CLCN4: variants seen among roughly 807,000 people sequenced by gnomAD.
CLCN4 encodes H(+)/Cl(-) exchange transporter 4.
In CLCN4, 1 loss-of-function variant was observed where a neutral mutation model predicts 41.7. That is an observed-to-expected ratio of 0.02 (90% CI 0.01 to 0.11). The LOEUF (loss-of-function observed/expected upper bound fraction) is 0.11. Among genes scored for constraint, CLCN4 ranks in the 10% least tolerant of loss-of-function variants. The pLI is 1.00. For missense variants in CLCN4, 287 were observed against 661.0 expected (o/e 0.43, Z 6.20); for synonymous variants, 277 against 285.8 (o/e 0.97, Z 0.31).
intron 12 of CLCN4, among the ~76,000 whole-genome samples, chrX:10,225,261 G>A (rs1924961451): frequency 8.9e-6 from 1 of 111,922 alleles, no homozygotes; most frequent in Admixed American, 9.4e-5. Flanking sequence ...ACCAGCATCT[G>A]TTGTTTCTTG....
chrX:10,216,918 T>TATATATATATATATATAC (rs773265490), intron 11 of CLCN4, among the ~76,000 whole-genome samples: 6 of 38,929 alleles, frequency 1.5e-4, no homozygotes, highest in African/African-American at 4.4e-4. Context: ...TATATATATA[T>TATATATATATATATATAC]ACACACACAC....
chrX:10,165,104 A>G (rs5934784), intron 2 of CLCN4, among the ~76,000 whole-genome samples: 16,912 of 112,413 alleles, frequency 0.15, 1,751 homozygotes, highest in East Asian at 0.84. Flanking sequence ...GTGGCCTGCA[A>G]TCGGGGGTTC....
chrX:10,196,538 C>CTTTTTTTTTTTTTT (rs141362799), intron 5 of CLCN4, among the ~76,000 whole-genome samples: 1 of 80,914 alleles, frequency 1.2e-5, no homozygotes, highest in African/African-American at 4.9e-5. Flanking sequence ...CCCTTCCCCA[C>CTTTTTTTTTTTTTT]TTTTTTTTTT....
chrX:10,158,216 A>T (rs1042391024), intron 1 of CLCN4, 73 bp from the exon 2 acceptor site: 1 of 282,742 alleles, frequency 3.5e-6, no homozygotes, highest in African/African-American at 2.8e-5. Flanking sequence ...TTGAAATCCT[A>T]TTACTCGCTT....
chrX:10,214,038 T>C lies in CLCN4; in HGVS notation c.1934T>C (p.Leu645Pro). The C allele has an allele frequency of 8.4e-7, 1 of 1,193,210 alleles. No individual in the cohort carries two copies. The highest frequency in any genetic ancestry group is 1.1e-6 in the Non-Finnish European group (1 of 886,723). The change falls in exon 11 of 13, where the codon CTC becomes CCC. Residue 645 changes from leucine (L) to proline (P), a missense_variant. This residue lies in a region of CLCN4 where 71 missense variants were observed against 104.5 expected (regional missense o/e 0.68). Transcript: ENST00000380833. ...PVVVSRDSER[L>P]IGFAQRRELI... ...GTGGTCTCCAGAGACTCCGAGCGCC[T>C]CATTGGATTTGCCCAGAGGAGGGAA... is the stretch of plus-strand genomic sequence containing the variant.
At chrX:10,209,483 C>T (rs1229343277) in intron 9 of CLCN4, among the ~76,000 whole-genome samples, 2 of 109,234 alleles carry the variant, frequency 1.8e-5, no homozygotes, top group African/African-American at 6.7e-5. Flanking sequence ...ATCTCAGCCT[C>T]CCAAGTAGCT....
chrX:10,202,841 A>G (rs1306286127), intron 6 of CLCN4, among the ~76,000 whole-genome samples: 2 of 110,668 alleles, frequency 1.8e-5, no homozygotes. Context: ...ATTAAAAAAC[A>G]TAAAACATAA....
chrX:10,220,811 C>T lies in CLCN4; in HGVS notation c.2126C>T (p.Pro709Leu), dbSNP rs778791017. 4 of 1,211,713 alleles carry T rather than the reference C, an allele frequency of 3.3e-6. No individual in the cohort carries two copies. Among genetic ancestry groups the T allele is most frequent in the South Asian group, 1.8e-5 (1 of 56,983 alleles). The part of the protein sequence containing the change: ...LSPFTVTDHT[P>L]METVVDIFRK... The stretch of plus-strand genomic sequence containing the variant: ...CCGTTTACAGTGACAGACCACACTC[C>T]GATGGAAACGGTGGTGGATATCTTC... Residue 709 changes from proline (P) to leucine (L), a missense_variant, in exon 12 of 13, where the codon CCG becomes CTG. Transcript: ENST00000380833.
At chrX:10,223,044 T>G (rs1569233903) in intron 12 of CLCN4, among the ~76,000 whole-genome samples, 1 of 111,928 alleles carries the variant, frequency 8.9e-6, no homozygotes, top group African/African-American at 3.3e-5. Context: ...AATCCAGATT[T>G]CTGGGCCCTG....
At chrX:10,221,140 A>C (rs1924850602) in intron 12 of CLCN4, among the ~76,000 whole-genome samples, 1 of 111,143 alleles carries the variant, frequency 9.0e-6, no homozygotes, top group Non-Finnish European at 1.9e-5. Flanking sequence ...GGGTGGAGCC[A>C]CAGGAGAAGG....
intron 6 of CLCN4, among the ~76,000 whole-genome samples, chrX:10,203,267 T>TTTGAGGCAACACAAAAGGGCACAAAAG (rs1924288324): frequency 9.0e-6 from 1 of 111,687 alleles, no homozygotes; most frequent in African/African-American, 3.3e-5. Context: ...GGCAGAATTG[T>TTTGAGGCAACACAAAAGGGCACAAAAG]GGCAGGCGTA....
At position 10,178,416 on chromosome X, in the gene CLCN4, C is replaced by T. The variant is rs979160022; in HGVS notation, c.-11-6606C>T. 2.7e-5 allele frequency among the ~76,000 whole-genome samples: 3 copies of T among 111,749 alleles called. No individual in the cohort carries two copies. In the South Asian group the frequency reaches 1.1e-3, roughly 42 times the overall value. On this transcript the variant is annotated intron_variant, in intron 2 of 12. Transcript: ENST00000380833. ...ATTCTTCCTGCTACTCCTCCAAATG[C>T]AGATATCTTGAAAGTTGACAGGCAG...
chrX:10,215,336 CAAT>C (rs749814271), intron 11 of CLCN4, among the ~76,000 whole-genome samples: 1 of 112,050 alleles, frequency 8.9e-6, no homozygotes, highest in Non-Finnish European at 1.9e-5. Flanking sequence ...GGCTTTATAA[CAAT>C]AAGTTGAGAT....
intron 10 of CLCN4, among the ~76,000 whole-genome samples, chrX:10,213,295 C>T (rs1000670): frequency 5.8e-4 from 65 of 111,759 alleles, no homozygotes; most frequent in Non-Finnish European, 8.8e-4. Flanking sequence ...GTGGGTCTGT[C>T]CCCTGTCTAT....
At chrX:10,184,057 T>G (rs1923750120) in intron 2 of CLCN4, among the ~76,000 whole-genome samples, 1 of 112,243 alleles carries the variant, frequency 8.9e-6, no homozygotes, top group Non-Finnish European at 1.9e-5. Context: ...GCATTTTCAC[T>G]GTGCCATTGG....
rs1923845645 is a variant in CLCN4 at position 10,187,569 on chromosome X, G to T, written c.199G>T (p.Ala67Ser). ...GGAGTTCATCAAGAGCCTGCTGGAT[G>T]CCTGGTCGGGATGGGTGGTGATGCT... ...IWEFIKSLLD[A>S]WSGWVVMLLI... Residue 67 changes from alanine (A) to serine (S), a missense_variant, in exon 4 of 13, where the codon GCC becomes TCC. Ala to Ser is a moderately conservative substitution (Grantham distance 99, BLOSUM62 1). Transcript: ENST00000380833. The T allele has an allele frequency of 1.7e-6, 2 of 1,209,889 alleles. No homozygotes were observed. Among genetic ancestry groups the T allele is most frequent in the Non-Finnish European group, 2.2e-6 (2 of 894,929 alleles).
intron 12 of CLCN4, among the ~76,000 whole-genome samples, chrX:10,228,695 G>A (rs771695881): frequency 8.9e-6 from 1 of 111,816 alleles, no homozygotes; most frequent in Admixed American, 9.5e-5. Context: ...AATAGTCAAA[G>A]TGTTTAAGAG....
At chrX:10,203,181 T>C (rs1924285787) in intron 6 of CLCN4, among the ~76,000 whole-genome samples, 1 of 112,352 alleles carries the variant, frequency 8.9e-6, no homozygotes, top group Non-Finnish European at 1.9e-5. Flanking sequence ...GCTTTTAAAC[T>C]ATACCCTTGG....
At chrX:10,173,509 C>G (rs777039509) in intron 2 of CLCN4, among the ~76,000 whole-genome samples, 1 of 111,330 alleles carries the variant, frequency 9.0e-6, no homozygotes, top group African/African-American at 3.3e-5. Flanking sequence ...CAGTACCCTT[C>G]TGGAATTCTC....
Sources: gnomAD v4.1 joint callset for allele counts (sites outside exome capture counted in the v4.1 genomes callset) on GRCh38, gnomAD v4.1.1 for gene constraint, gnomAD v4.1.1 regional missense constraint, MANE v1.5 for transcripts, NCBI Gene and HGNC (gene_info 2026-07-23, HGNC 2026-07-21) for gene names.